Variants in KCNQ5 observed in about 807,000 individuals in gnomAD.
KCNQ5 encodes potassium voltage-gated channel subfamily KQT member 5.
KCNQ5 carries 30 observed loss-of-function variants against 98.2 expected under a neutral mutation model. The ratio of observed to expected loss-of-function variants is 0.31; its 90% CI spans 0.23 to 0.41. KCNQ5 has a LOEUF of 0.41. Ranked by LOEUF, KCNQ5 falls within the 10% of genes least tolerant of loss-of-function variation. The pLI, the probability that KCNQ5 is intolerant of heterozygous loss-of-function variation, is 1.00. For synonymous variants in KCNQ5, 458 were observed against 449.4 expected (o/e 1.02, Z -0.24); for missense variants, 835 against 1,182.5 (o/e 0.71, Z 4.31).
At chr6:73,074,673 C>T (rs964545824) in intron 3 of KCNQ5, among the ~76,000 whole-genome samples, 3 of 151,248 alleles carry the variant, frequency 2.0e-5, no homozygotes, top group African/African-American at 7.3e-5. Context: ...TTTTCTGCCT[C>T]GCTTTTTTCA....
chr6:72,938,960 A>G (rs1766093176), intron 1 of KCNQ5, among the ~76,000 whole-genome samples: 1 of 152,198 alleles, frequency 6.6e-6, no homozygotes, highest in Non-Finnish European at 1.5e-5. Context: ...TCAGACCTAG[A>G]ACAGATTTCG....
At chr6:72,686,856 T>C (rs1026071774) in intron 1 of KCNQ5, among the ~76,000 whole-genome samples, 2 of 152,096 alleles carry the variant, frequency 1.3e-5, no homozygotes, top group African/African-American at 2.4e-5. Context: ...AGGTGTTCTG[T>C]ATCTGTTTAT....
chr6:72,864,010 C>T (rs1383457690), intron 1 of KCNQ5, among the ~76,000 whole-genome samples: 2 of 152,168 alleles, frequency 1.3e-5, no homozygotes, highest in South Asian at 2.1e-4. Flanking sequence ...ATTGGCATTG[C>T]AGAGGGATTG....
intron 1 of KCNQ5, among the ~76,000 whole-genome samples, chr6:72,766,274 CA>C (rs1162474403): frequency 4.0e-5 from 6 of 151,862 alleles, no homozygotes; most frequent in African/African-American, 1.5e-4. Flanking sequence ...CGGTAGGAGA[CA>C]AATGGCAAGA....
chr6:72,717,577 G>C (rs1414715123), intron 1 of KCNQ5, among the ~76,000 whole-genome samples: 1 of 152,132 alleles, frequency 6.6e-6, no homozygotes, highest in African/African-American at 2.4e-5. Flanking sequence ...GTCAGTATGG[G>C]AACACTTATT....
intron 2 of KCNQ5, among the ~76,000 whole-genome samples, chr6:73,040,241 C>T (rs565292653): frequency 4.6e-5 from 7 of 152,088 alleles, no homozygotes; most frequent in Admixed American, 3.3e-4. Flanking sequence ...CGGTAGTGTT[C>T]GGGGGCTCAG....
At chr6:73,146,626 C>CAAAAAAAAAAAAAAAAAAAAAAA (rs58798764) in intron 10 of KCNQ5, among the ~76,000 whole-genome samples, 1 of 28,468 alleles carries the variant, frequency 3.5e-5, no homozygotes, top group African/African-American at 9.4e-5. Flanking sequence ...GTCCCTGTCT[C>CAAAAAAAAAAAAAAAAAAAAAAA]AAAAAAAAAA....
At chr6:72,944,581 G>A (rs536406657) in intron 1 of KCNQ5, among the ~76,000 whole-genome samples, 2 of 152,252 alleles carry the variant, frequency 1.3e-5, no homozygotes, top group African/African-American at 4.8e-5. Flanking sequence ...GGGAAATAGT[G>A]CTATAACCAA....
chr6:72,753,515 A>C (rs1285858031), intron 1 of KCNQ5, among the ~76,000 whole-genome samples: 1 of 152,062 alleles, frequency 6.6e-6, no homozygotes, highest in Non-Finnish European at 1.5e-5. Context: ...AAAATGCCAA[A>C]TGTTTTCCAA....
Position 73,178,973 on chromosome 6 carries a change from G to A in KCNQ5, c.1577+9119G>A, listed in dbSNP as rs147846478. Among the ~76,000 whole-genome samples, 566 of 152,206 alleles carry A rather than the reference G, an allele frequency of 3.7e-3. 5 individuals are homozygous for A. Among genetic ancestry groups the A allele is most frequent in the African/African-American group, 0.013 (525 of 41,530 alleles). ...CCTAGTTGTCTGCTGGATTTGTCCC[G>A]TGATCAATTTCGAGTGAGGGCTGCC... On this transcript the variant is annotated intron_variant, in intron 11 of 13. Coordinates refer to ENST00000370398, the MANE Select transcript of KCNQ5 (RefSeq NM_019842.4).
chr6:72,762,102 C>G (rs1458359113), intron 1 of KCNQ5, among the ~76,000 whole-genome samples: 5 of 152,012 alleles, frequency 3.3e-5, no homozygotes, highest in African/African-American at 1.2e-4. Context: ...GAGACATTCG[C>G]TATACCCAGA....
chr6:72,790,992 A>C (rs1421218248), intron 1 of KCNQ5, among the ~76,000 whole-genome samples: 1 of 152,194 alleles, frequency 6.6e-6, no homozygotes, highest in Non-Finnish European at 1.5e-5. Context: ...CATGGGGGGA[A>C]ATCATCAATA....
In KCNQ5 at chr6:73,160,833, T is replaced by C. The variant is rs552349589; in HGVS notation, c.1469-8913T>C. The stretch of plus-strand genomic sequence containing the variant: ...ACTCCAACGCCTGGGTCCTAGCCTT[T>C]GGTTTCTAATGTTATTGGTCTTGAG... On this transcript the variant is annotated intron_variant, in intron 10 of 13. Coordinates refer to ENST00000370398, the MANE Select transcript of KCNQ5 (RefSeq NM_019842.4). 9.2e-5 allele frequency among the ~76,000 whole-genome samples: 14 copies of C among 152,142 alleles called. No homozygotes were observed. In the East Asian group the frequency reaches 2.5e-3, roughly 28 times the overall value.
At chr6:72,788,086 T>G (rs1039212326) in intron 1 of KCNQ5, among the ~76,000 whole-genome samples, 1 of 152,146 alleles carries the variant, frequency 6.6e-6, no homozygotes, top group African/African-American at 2.4e-5. Flanking sequence ...AAGTGTTTGG[T>G]GGATGGGCTC....
chr6:72,732,263 G>A (rs1770594451), intron 1 of KCNQ5, among the ~76,000 whole-genome samples: 1 of 152,032 alleles, frequency 6.6e-6, no homozygotes, highest in Non-Finnish European at 1.5e-5. Flanking sequence ...AGGGTAAGAG[G>A]GACTACATAT....
In KCNQ5 at chr6:72,632,690, C is replaced by A. The variant is rs118159395; in HGVS notation, c.398+10103C>A. On this transcript the variant is annotated intron_variant, in intron 1 of 13. Coordinates refer to ENST00000370398, the MANE Select transcript of KCNQ5 (RefSeq NM_019842.4). ...GTGAGAATATGTGGTACTTGGTTTT[C>A]TTTTCTTACATTAATTCACTTAGGA... Among the ~76,000 whole-genome samples the A allele has an allele frequency of 9.2e-3, 1,406 of 152,224 alleles. 12 individuals carry two copies. The highest frequency in any genetic ancestry group is 0.021 in the East Asian group (107 of 5,180).
At chr6:72,721,218 G>A (rs1045702167) in intron 1 of KCNQ5, among the ~76,000 whole-genome samples, 1 of 152,180 alleles carries the variant, frequency 6.6e-6, no homozygotes, top group Non-Finnish European at 1.5e-5. Context: ...TCAGCACATA[G>A]TAAGTATTCA....
chr6:73,091,327 TA>T (rs1199498005), intron 5 of KCNQ5, among the ~76,000 whole-genome samples: 2 of 151,960 alleles, frequency 1.3e-5, no homozygotes, highest in Non-Finnish European at 2.9e-5. Flanking sequence ...TGTCAGGGGT[TA>T]GGGGGCTGGG....
intron 1 of KCNQ5, among the ~76,000 whole-genome samples, chr6:72,896,943 G>T (rs7774917): frequency 2.4e-4 from 36 of 151,876 alleles, no homozygotes; most frequent in African/African-American, 3.4e-4. Context: ...TTTGTTTGTT[G>T]GTTGGTTGGT....
Sources: gnomAD v4.1 joint callset for allele counts (sites outside exome capture counted in the v4.1 genomes callset) on GRCh38, gnomAD v4.1.1 for gene constraint, MANE v1.5 for transcripts, NCBI Gene and HGNC (gene_info 2026-07-23, HGNC 2026-07-21) for gene names.